SESTD1: variants seen among roughly 807,000 people sequenced by gnomAD.
SESTD1 encodes the protein SEC14 domain and spectrin repeat-containing protein 1.
In SESTD1, 43 loss-of-function variants were observed where a neutral mutation model predicts 101.7. The observed-to-expected ratio is 0.42, with a 90% CI of 0.33 to 0.55. SESTD1 has a LOEUF of 0.55. Among genes scored for constraint, SESTD1 ranks in the 20% least tolerant of loss-of-function variants. SESTD1 has a pLI of 0.07. For missense variants in SESTD1, 647 were observed against 815.1 expected (o/e 0.79, Z 2.51); for synonymous variants, 283 against 286.8 (o/e 0.99, Z 0.13).
At chr2:179,126,908 T>G (rs948127680) in intron 10 of SESTD1, among the ~76,000 whole-genome samples, 1 of 152,164 alleles carries the variant, frequency 6.6e-6, no homozygotes, top group Admixed American at 6.6e-5. Context: ...CTATCAATTC[T>G]CATTACTTCT....
At chr2:179,261,239 CCACAA>C (rs1341346076) in intron 1 of SESTD1, among the ~76,000 whole-genome samples, 2 of 152,176 alleles carry the variant, frequency 1.3e-5, no homozygotes, top group African/African-American at 4.8e-5. Flanking sequence ...GGCAGTGTTG[CCACAA>C]CACCTTATGG....
rs978900942 is a variant in SESTD1 at position 179,105,171 on chromosome 2, T to C, written c.*4728A>G. 7.5e-6 allele frequency: 1 copy of C among 133,382 alleles called. No homozygotes were observed. Among genetic ancestry groups the C allele is most frequent in the African/African-American group, 3.3e-5 (1 of 30,064 alleles). The allele number at this position is 133,382 out of a possible 1,614,324, so 8.3% of individuals were successfully genotyped here. The stretch of plus-strand genomic sequence containing the variant: ...CACTAATTGTGGTCTTTTCATGCTT[T>C]GTTCTGTTTTTTTTTTTTTTTTAAC... On this transcript the variant is annotated 3_prime_UTR_variant, in exon 18 of 18. Coordinates refer to ENST00000428443, the MANE Select transcript of SESTD1 (RefSeq NM_178123.5).
chr2:179,212,378 C>T lies in SESTD1; in HGVS notation c.-25-20512G>A, dbSNP rs1204962858. 2.2e-5 allele frequency among the ~76,000 whole-genome samples: 3 copies of T among 136,434 alleles called. 1 individual carries two copies. Among genetic ancestry groups the T allele is most frequent in the African/African-American group, 5.7e-5 (2 of 34,810 alleles). 89.5% of individuals were successfully genotyped at this position (136,434 alleles called of 152,430 possible). A position where few individuals can be genotyped will look rare whatever the true frequency, so the allele number is the denominator to read the frequency against. On this transcript the variant is annotated intron_variant, in intron 1 of 17. Coordinates refer to ENST00000428443, the MANE Select transcript of SESTD1 (RefSeq NM_178123.5). ...CCTGGTTCAGCAGGTCCCATGCCCA[C>T]GGAGCTTGCTCACTGCTAGCGCAGC... is the stretch of plus-strand genomic sequence containing the variant.
chr2:179,119,892 C>T (rs2044710277), intron 13 of SESTD1, among the ~76,000 whole-genome samples: 1 of 152,154 alleles, frequency 6.6e-6, no homozygotes, highest in Admixed American at 6.5e-5. Flanking sequence ...ACTTCCTGTA[C>T]AGCCTGTGGG....
intron 9 of SESTD1, among the ~76,000 whole-genome samples, chr2:179,134,743 C>T (rs2105431168): frequency 6.6e-6 from 1 of 152,128 alleles, no homozygotes; most frequent in South Asian, 2.1e-4. Flanking sequence ...CTCTCTAAAG[C>T]TCTTGTTTCT....
chr2:179,112,663 T>G lies in SESTD1; in HGVS notation c.1961+61A>C, dbSNP rs376758250. On this transcript the variant is annotated intron_variant, in intron 17 of 17. Coordinates refer to ENST00000428443, the MANE Select transcript of SESTD1 (RefSeq NM_178123.5). ...TTTTTAAAGAATAGATTTCCTCTTTTAATGATTTCACTTTAAGACCACACC... is the reference window on the plus strand; with the variant it reads ...TTTTTAAAGAATAGATTTCCTCTTTGAATGATTTCACTTTAAGACCACACC... 13 of 1,487,940 alleles carry G rather than the reference T, an allele frequency of 8.7e-6. 1 individual carries two copies. In the East Asian group the frequency reaches 1.5e-4, roughly 17 times the overall value. 92.2% of individuals were successfully genotyped at this position (1,487,940 alleles called of 1,614,324 possible).
intron 1 of SESTD1, among the ~76,000 whole-genome samples, chr2:179,263,321 T>A (rs1170993585): frequency 6.6e-6 from 1 of 152,220 alleles, no homozygotes; most frequent in Non-Finnish European, 1.5e-5. Context: ...GGTATTGGCA[T>A]AACTTAACCA....
At chr2:179,159,908 G>A (rs1232326000) in intron 5 of SESTD1, among the ~76,000 whole-genome samples, 1 of 152,210 alleles carries the variant, frequency 6.6e-6, no homozygotes, top group African/African-American at 2.4e-5. Context: ...AGACTGGAGT[G>A]CAATAGCACG....
rs111649641 is a variant in SESTD1, at chr2:179,117,306, G to T, written c.1524+226C>A. 2.0e-3 allele frequency among the ~76,000 whole-genome samples: 305 copies of T among 152,260 alleles called. 6 individuals carry two copies. Among genetic ancestry groups the T allele is most frequent in the African/African-American group, 7.0e-3 (291 of 41,560 alleles). On this transcript the variant is annotated intron_variant, in intron 14 of 17. Transcript: ENST00000428443. The stretch of plus-strand genomic sequence containing the variant: ...AAATAATAAACGATCCCAATCTCTA[G>T]CTCAATAGAGGATTATAGAGGATTT...
At position 179,185,577 on chromosome 2, in the gene SESTD1, C is replaced by T. The variant is rs1327772272; in HGVS notation, c.56-2389G>A. 6.3e-5 allele frequency among the ~76,000 whole-genome samples: 8 copies of T among 127,684 alleles called. No individual in the cohort carries two copies. In the East Asian group the frequency reaches 1.8e-3, roughly 29 times the overall value. 83.8% of individuals were successfully genotyped at this position (127,684 alleles called of 152,430 possible). On this transcript the variant is annotated intron_variant, in intron 2 of 17. Coordinates refer to ENST00000428443, the MANE Select transcript of SESTD1 (RefSeq NM_178123.5). ...ATATGTTATATATGTATATAATATA[C>T]TATATTATATATTGTATATTATATA...
intron 1 of SESTD1, among the ~76,000 whole-genome samples, chr2:179,238,587 T>C (rs1262717305): frequency 6.6e-6 from 1 of 152,146 alleles, no homozygotes; most frequent in Non-Finnish European, 1.5e-5. Context: ...CCCTCAGTCA[T>C]GCCAGTTTCT....
intron 1 of SESTD1, among the ~76,000 whole-genome samples, chr2:179,196,701 G>A (rs2046402104): frequency 6.6e-6 from 1 of 152,176 alleles, no homozygotes; most frequent in Non-Finnish European, 1.5e-5. Flanking sequence ...GGGGCAGACT[G>A]ACACCTCACA....
intron 5 of SESTD1, among the ~76,000 whole-genome samples, chr2:179,166,314 CT>C (rs1281467618): frequency 6.6e-6 from 1 of 151,992 alleles, no homozygotes; most frequent in Non-Finnish European, 1.5e-5. Flanking sequence ...AGAGCAGCCA[CT>C]AATGGAAAGG....
At chr2:179,192,438 C>A (rs2046332402) in intron 1 of SESTD1, among the ~76,000 whole-genome samples, 1 of 152,128 alleles carries the variant, frequency 6.6e-6, no homozygotes. Context: ...TTTTCTAATA[C>A]ATTGTTTCAA....
At chr2:179,201,247 G>A (rs1282179540) in intron 1 of SESTD1, among the ~76,000 whole-genome samples, 1 of 132,734 alleles carries the variant, frequency 7.5e-6, no homozygotes, top group African/African-American at 3.1e-5. Flanking sequence ...CAGTCAGAAT[G>A]GCAATCATTA....
rs2044469546 is a variant in SESTD1, at chr2:179,109,967, T to C, written c.2023A>G (p.Arg675Gly). Residue 675 changes from arginine to glycine, a missense_variant, in exon 18 of 18, where the codon AGG becomes GGG. Physicochemically the swap from Arg to Gly is moderately radical, Grantham distance 125. Transcript: ENST00000428443. ...CTTTTGAGATTAACTAGTTTCATCC[T>C]GTCTCTGATGTTTTCTGCAGTAGAA... ...MASTAENIRD[R>G]MKLVNLKRQQ... is the part of the protein sequence containing the mutation. The C allele has an allele frequency of 1.2e-6, 2 of 1,614,026 alleles. No individual in the cohort carries two copies. Among genetic ancestry groups the C allele is most frequent in the East Asian group, 4.5e-5 (2 of 44,870 alleles).
At chr2:179,245,331 T>G (rs1401839438) in intron 1 of SESTD1, among the ~76,000 whole-genome samples, 2 of 151,616 alleles carry the variant, frequency 1.3e-5, no homozygotes, top group Non-Finnish European at 2.9e-5. Flanking sequence ...GCCTGGCCAA[T>G]ATGGTGAAAC....
At chr2:179,228,422 T>C (rs2046923463) in intron 1 of SESTD1, among the ~76,000 whole-genome samples, 1 of 152,124 alleles carries the variant, frequency 6.6e-6, no homozygotes, top group African/African-American at 2.4e-5. Flanking sequence ...GGCTTGCAAA[T>C]ACAGTGGCAG....
At chr2:179,192,497 T>A (rs1245859476) in intron 1 of SESTD1, among the ~76,000 whole-genome samples, 1 of 152,224 alleles carries the variant, frequency 6.6e-6, no homozygotes, top group Non-Finnish European at 1.5e-5. Flanking sequence ...TTTTACAGTT[T>A]TTAATTTTCC....
Sources: gnomAD v4.1 joint callset for allele counts (sites outside exome capture counted in the v4.1 genomes callset) on GRCh38, gnomAD v4.1.1 for gene constraint, MANE v1.5 for transcripts, NCBI Gene and HGNC (gene_info 2026-07-23, HGNC 2026-07-21) for gene names.